Variants in ST8SIA2 observed in about 807,000 individuals in gnomAD.
ST8SIA2 encodes alpha-2,8-sialyltransferase 8B.
In ST8SIA2, 22 loss-of-function variants were observed where a neutral mutation model predicts 37.6. The observed-to-expected ratio is 0.58, with a 90% CI of 0.42 to 0.83. The LOEUF (loss-of-function observed/expected upper bound fraction) is 0.83. ST8SIA2 is among the 40% of genes least tolerant of loss of function. ST8SIA2 has a pLI of 0.00. For missense variants in ST8SIA2, 382 were observed against 484.7 expected (o/e 0.79, Z 1.99); for synonymous variants, 205 against 201.2 (o/e 1.02, Z -0.16).
rs540882925 is a variant in ST8SIA2, at chr15:92,393,988, C to A, written c.-77C>A. The A allele has an allele frequency of 2.9e-4, 319 of 1,086,128 alleles. No individual in the cohort carries two copies. The highest frequency in any genetic ancestry group is 3.7e-4 in the Non-Finnish European group (303 of 813,200). The allele number at this position is 1,086,128 out of a possible 1,614,324, so 67.3% of individuals were successfully genotyped here. A position where few individuals can be genotyped will look rare whatever the true frequency, so the allele number is the denominator to read the frequency against. On this transcript the variant is annotated 5_prime_UTR_variant, in exon 1 of 6. Coordinates refer to ENST00000268164, the MANE Select transcript of ST8SIA2 (RefSeq NM_006011.4). ...CAGCTGCGCGCGGCGCGCGGAGGCT[C>A]CGGCGTCCGCCGCTGCGCCCTCCGG... is the stretch of plus-strand genomic sequence containing the variant.
intron 1 of ST8SIA2, among the ~76,000 whole-genome samples, chr15:92,421,500 T>C (rs937706744): frequency 2.0e-5 from 3 of 152,240 alleles, no homozygotes; most frequent in African/African-American, 7.2e-5. Flanking sequence ...ACACTGTTCT[T>C]ACTCTTTGCA....
chr15:92,409,576 T>C (rs1404932887), intron 1 of ST8SIA2, among the ~76,000 whole-genome samples: 1 of 152,200 alleles, frequency 6.6e-6, no homozygotes, highest in Non-Finnish European at 1.5e-5. Context: ...GCCCATTTCT[T>C]TCCTGTTCAT....
At chr15:92,444,203 G>T (rs140903917) in intron 4 of ST8SIA2, among the ~76,000 whole-genome samples, 38 of 152,288 alleles carry the variant, frequency 2.5e-4, no homozygotes, top group Non-Finnish European at 4.6e-4. Flanking sequence ...CAGAGAGGTT[G>T]AGCAAGTTTC....
chr15:92,444,903 G>T lies in ST8SIA2; in HGVS notation c.816G>T (p.Ser272=), dbSNP rs139282072. 11 of 1,612,554 alleles carry T rather than the reference G, an allele frequency of 6.8e-6. No homozygotes were observed. The highest frequency in any genetic ancestry group is 2.2e-5 in the East Asian group (1 of 44,882). ...HHVNVRTAYP[S]LRLLHAVRGY... is the part of the protein sequence containing the mutation. ...TCAACGTGCGCACTGCATACCCCTC[G>T]CTGCGCCTGCTGCACGCCGTTCGCG... The change falls in exon 5 of 6, where the codon TCG becomes TCT. Residue 272 remains serine, a synonymous_variant. Coordinates refer to ENST00000268164, the MANE Select transcript of ST8SIA2 (RefSeq NM_006011.4).
At chr15:92,430,586 G>A (rs773861538) in intron 2 of ST8SIA2, among the ~76,000 whole-genome samples, 60 of 152,144 alleles carry the variant, frequency 3.9e-4, no homozygotes, top group Non-Finnish European at 6.5e-4. Context: ...TTGAACGTAC[G>A]CTCCAAATTC....
chr15:92,429,212 TTTAA>T (rs1251721025), intron 1 of ST8SIA2, among the ~76,000 whole-genome samples: 1 of 152,226 alleles, frequency 6.6e-6, no homozygotes, highest in Non-Finnish European at 1.5e-5. Context: ...CCCATCATTT[TTTAA>T]TTAATAAAAA....
chr15:92,461,612 C>T (rs926472080), intron 5 of ST8SIA2, among the ~76,000 whole-genome samples: 1 of 152,140 alleles, frequency 6.6e-6, no homozygotes, highest in Non-Finnish European at 1.5e-5. Flanking sequence ...GCAGGAGGCA[C>T]AAGGAAATAG....
chr15:92,421,381 A>G (rs150670623), intron 1 of ST8SIA2: 1 of 152,376 alleles, frequency 6.6e-6, no homozygotes, highest in African/African-American at 2.4e-5. Context: ...ATTGGCTCAC[A>G]GGTGAAATCC....
chr15:92,411,673 G>A (rs1487296025), intron 1 of ST8SIA2, among the ~76,000 whole-genome samples: 1 of 152,134 alleles, frequency 6.6e-6, no homozygotes, highest in Non-Finnish European at 1.5e-5. Flanking sequence ...TCATTTTATA[G>A]GTACAGCCAC....
chr15:92,394,120 T>G lies in ST8SIA2; in HGVS notation c.56T>G (p.Phe19Cys), dbSNP rs1740371483. The G allele has an allele frequency of 6.4e-7, 1 of 1,560,598 alleles. No individual in the cohort carries two copies. Among genetic ancestry groups the G allele is most frequent in the Non-Finnish European group, 8.7e-7 (1 of 1,151,374 alleles). ...MLAALTLLVV[F>C]LIFADISEIE... The stretch of plus-strand genomic sequence containing the variant: ...GCCGCGCTCACGCTGCTCGTGGTCT[T>G]CCTCATCTTCGCAGACATCTCAGAG... Residue 19 changes from phenylalanine to cysteine, a missense_variant, in exon 1 of 6, where the codon TTC becomes TGC. By Grantham distance (205) the Phe-to-Cys change is radical. Transcript: ENST00000268164.
chr15:92,433,748 G>A (rs1180715499), intron 2 of ST8SIA2, among the ~76,000 whole-genome samples: 1 of 152,208 alleles, frequency 6.6e-6, no homozygotes, highest in Non-Finnish European at 1.5e-5. Flanking sequence ...ATGTTTCAAG[G>A]AGCATATCTC....
At chr15:92,417,394 C>T (rs543329934) in intron 1 of ST8SIA2, among the ~76,000 whole-genome samples, 1 of 152,330 alleles carries the variant, frequency 6.6e-6, no homozygotes, top group South Asian at 2.1e-4. Flanking sequence ...ATTGAGTGCC[C>T]TCCAGAAATT....
Position 92,438,611 on chromosome 15 carries a change from G to A in ST8SIA2, c.548+1G>A. 6.2e-7 allele frequency: 1 copy of A among 1,603,524 alleles called. No homozygotes were observed. The highest frequency in any genetic ancestry group is 8.5e-7 in the Non-Finnish European group (1 of 1,174,218). On this transcript the variant is annotated splice_donor_variant, in intron 4 of 5. Transcript: ENST00000268164. LOFTEE classifies it high-confidence loss of function. ...TTGACGCCCACAGCTTCGTCATCAG[G>A]TAACATGCCCCAGCAGGCACTCTGG...
intron 1 of ST8SIA2, among the ~76,000 whole-genome samples, chr15:92,403,915 G>C (rs140541751): frequency 2.0e-5 from 3 of 152,272 alleles, no homozygotes; most frequent in South Asian, 4.1e-4. Flanking sequence ...GTCTTGGCCC[G>C]GGCAGGGAGC....
rs571371543 is a variant in ST8SIA2 at position 92,464,965 on chromosome 15, G to A, written c.*580G>A. ...GCACAGAGGGCCTCGTTCCACGAAC[G>A]TAGAGTTTGACTGCCTAAGGGACAG... On this transcript the variant is annotated 3_prime_UTR_variant, in exon 6 of 6. Coordinates refer to ENST00000268164, the MANE Select transcript of ST8SIA2 (RefSeq NM_006011.4). 88 of 158,234 alleles carry A rather than the reference G, an allele frequency of 5.6e-4. No homozygotes were observed. In the South Asian group the frequency reaches 6.5e-3, roughly 12 times the overall value. The allele number at this position is 158,234 out of a possible 1,614,324, so 9.8% of individuals were successfully genotyped here.
At position 92,444,928 on chromosome 15, in the gene ST8SIA2, G is replaced by A. The variant is rs1163820802; in HGVS notation, c.841G>A (p.Gly281Arg). 2 of 1,609,880 alleles carry A rather than the reference G, an allele frequency of 1.2e-6. No homozygotes were observed. The highest frequency in any genetic ancestry group is 2.2e-5 in the East Asian group (1 of 44,890). Residue 281 changes from glycine (G) to arginine (R), a missense_variant and splice_region_variant, in exon 5 of 6, where the codon GGA becomes AGA. Gly to Arg is a moderately radical substitution (Grantham distance 125). Transcript: ENST00000268164. The stretch of plus-strand genomic sequence containing the variant: ...GCTGCGCCTGCTGCACGCCGTTCGC[G>A]GGTGAGCGGCCTCCCTACAGGCCAG... ...PSLRLLHAVR[G>R]YWLTNKVHIK...
Position 92,395,324 on chromosome 15 carries a change from T to C in ST8SIA2, c.98+1162T>C, listed in dbSNP as rs2141790087. Among the ~76,000 whole-genome samples, 2 of 152,330 alleles carry C rather than the reference T, an allele frequency of 1.3e-5. 1 individual carries two copies. Among genetic ancestry groups the C allele is most frequent in the East Asian group, 3.9e-4 (2 of 5,162 alleles). ...TTTGTCCCATTTGTTACTTCATTTG[T>C]TATCTGTGCTAGTTGAGGGTCCGCC... is the stretch of plus-strand genomic sequence containing the variant. On this transcript the variant is annotated intron_variant, in intron 1 of 5. Transcript: ENST00000268164.
intron 1 of ST8SIA2, among the ~76,000 whole-genome samples, chr15:92,403,481 G>A (rs1241906991): frequency 5.9e-5 from 9 of 152,086 alleles, no homozygotes; most frequent in Admixed American, 2.0e-4. Context: ...TGTCACCATC[G>A]GGCACAACAC....
intron 1 of ST8SIA2, among the ~76,000 whole-genome samples, chr15:92,404,911 G>A (rs556078199): frequency 9.2e-5 from 14 of 151,800 alleles, no homozygotes; most frequent in African/African-American, 1.7e-4. Context: ...CCTTATTCAC[G>A]GTAGCTAAAA....
Sources: allele counts gnomAD v4.1 joint callset (sites outside exome capture counted in the v4.1 genomes callset), GRCh38; gene constraint gnomAD v4.1.1; transcripts MANE v1.5; gene names NCBI Gene and HGNC (gene_info 2026-07-23, HGNC 2026-07-21).